Variants in RAD17 observed in about 807,000 individuals in gnomAD.
RAD17 encodes the protein cell cycle checkpoint protein RAD17.
RAD17 carries 31 observed loss-of-function variants against 81.5 expected under a neutral mutation model. The ratio of observed to expected loss-of-function variants is 0.38; its 90% CI spans 0.29 to 0.51. RAD17 has a LOEUF of 0.51. Ranked by LOEUF, RAD17 falls within the 20% of genes least tolerant of loss-of-function variation. The pLI is 0.88. For synonymous variants in RAD17, 261 were observed against 266.2 expected (o/e 0.98, Z 0.19); for missense variants, 681 against 781.2 (o/e 0.87, Z 1.53).
chr5:69,401,610 G>T (rs1038922216), intron 17 of RAD17, among the ~76,000 whole-genome samples: 1 of 152,044 alleles, frequency 6.6e-6, no homozygotes, highest in African/African-American at 2.4e-5. Context: ...GGCAAAAATG[G>T]GATAACTTTT....
At chr5:69,407,864 T>C (rs1179594196) in intron 17 of RAD17, among the ~76,000 whole-genome samples, 2 of 152,226 alleles carry the variant, frequency 1.3e-5, no homozygotes, top group Admixed American at 1.3e-4. Context: ...TGTCCAAGTT[T>C]GATGATACTT....
intron 17 of RAD17, among the ~76,000 whole-genome samples, chr5:69,404,399 A>C (rs557473377): frequency 0.017 from 2,584 of 152,356 alleles, 36 homozygotes; most frequent in Middle Eastern, 0.034. Flanking sequence ...AGAATGCAAT[A>C]GTAAGAAAAC....
chr5:69,373,236 A>G (rs1188337895), intron 4 of RAD17, among the ~76,000 whole-genome samples: 1 of 152,114 alleles, frequency 6.6e-6, no homozygotes, highest in African/African-American at 2.4e-5. Context: ...AATCCTACAG[A>G]GAGTTTAAAA....
chr5:69,399,300 G>A (rs535570727), intron 16 of RAD17, among the ~76,000 whole-genome samples: 28 of 152,180 alleles, frequency 1.8e-4, no homozygotes, highest in South Asian at 4.1e-4. Context: ...ATATTTCTGC[G>A]TAGCAACAAT....
chr5:69,395,783 C>G (rs1764846929), intron 15 of RAD17, among the ~76,000 whole-genome samples: 1 of 151,946 alleles, frequency 6.6e-6, no homozygotes. Flanking sequence ...TTCTTAATCT[C>G]TCTATATATT....
chr5:69,412,567 T>C (rs1766076665), intron 18 of RAD17, among the ~76,000 whole-genome samples: 1 of 152,212 alleles, frequency 6.6e-6, no homozygotes, highest in Non-Finnish European at 1.5e-5. Context: ...GGGCTTTTCC[T>C]CTTTATTGCC....
At chr5:69,374,420 AATT>A (rs1298377322) in intron 5 of RAD17, among the ~76,000 whole-genome samples, 2 of 152,210 alleles carry the variant, frequency 1.3e-5, no homozygotes, top group African/African-American at 4.8e-5. Context: ...AACTTGCCAA[AATT>A]ATCATACAGA....
At position 69,391,827 on chromosome 5, in the gene RAD17, T is replaced by G. The variant is rs779488709; in HGVS notation, c.1007-4T>G. The stretch of plus-strand genomic sequence containing the variant: ...ATATTGTCACTTGGATGTATATTAT[T>G]CAGGAGAAAACAACTTACGGCCAAG... On this transcript the variant is annotated splice_region_variant and splice_polypyrimidine_tract_variant and intron_variant, in intron 12 of 18. Transcript: ENST00000354868. 1 of 1,505,904 alleles carries G rather than the reference T, an allele frequency of 6.6e-7. No homozygotes were observed. The highest frequency in any genetic ancestry group is 8.9e-7 in the Non-Finnish European group (1 of 1,126,574). The allele number at this position is 1,505,904 out of a possible 1,614,324, so 93.3% of individuals were successfully genotyped here. A position where few individuals can be genotyped will look rare whatever the true frequency, so the allele number is the denominator to read the frequency against.
chr5:69,410,225 A>G (rs894958825), intron 17 of RAD17, among the ~76,000 whole-genome samples: 1 of 152,182 alleles, frequency 6.6e-6, no homozygotes, highest in Non-Finnish European at 1.5e-5. Context: ...TTGAGGATGC[A>G]CTATACTGTT....
In RAD17 at chr5:69,374,657, T is replaced by G; in HGVS notation, c.297T>G (p.Ile99Met). 6.2e-7 allele frequency: 1 copy of G among 1,611,124 alleles called. No homozygotes were observed. ...QHELAVHKKK[I>M]EEVETWLKAQ... The stretch of plus-strand genomic sequence containing the variant: ...AACTTGCTGTGCATAAAAAGAAAAT[T>G]GAAGAAGTCGAAACCTGGTTAAAAG... The change falls in exon 6 of 19, where the codon ATT (isoleucine) becomes ATG (methionine). Residue 99 changes from isoleucine (I) to methionine (M), a missense_variant. Physicochemically the swap from Ile to Met is conservative, Grantham distance 10. Coordinates refer to ENST00000354868, the MANE Select transcript of RAD17 (RefSeq NM_133338.3).
At position 69,408,506 on chromosome 5, in the gene RAD17, C is replaced by CTTTTTTTTTTT. The variant is rs913594965; in HGVS notation, c.1694-1973_1694-1963dup. On this transcript the variant is annotated intron_variant, in intron 17 of 18. Coordinates refer to ENST00000354868, the MANE Select transcript of RAD17 (RefSeq NM_133338.3). ...ATCACACTGTTGGCTACCCTAATTA[C>CTTTTTTTTTTT]TTTTTTTTTTTTTTTTTTTTTTTTG... is the stretch of plus-strand genomic sequence containing the variant. Among the ~76,000 whole-genome samples the CTTTTTTTTTTT allele has an allele frequency of 1.4e-4, 12 of 88,450 alleles. 1 individual carries two copies. Among genetic ancestry groups the CTTTTTTTTTTT allele is most frequent in the African/African-American group, 5.0e-4 (11 of 22,042 alleles). The allele number at this position is 88,450 out of a possible 152,430, so 58.0% of individuals were successfully genotyped here.
intron 16 of RAD17, among the ~76,000 whole-genome samples, 162 bp downstream of exon 16, chr5:69,396,708 T>C (rs929928138): frequency 1.3e-5 from 2 of 152,190 alleles, no homozygotes; most frequent in Non-Finnish European, 2.9e-5. Flanking sequence ...TGAGTTTTTA[T>C]AAAACATAAA....
intron 11 of RAD17, among the ~76,000 whole-genome samples, chr5:69,388,584 G>A (rs941333096): frequency 6.6e-6 from 1 of 152,056 alleles, no homozygotes; most frequent in Non-Finnish European, 1.5e-5. Context: ...CCAGTGTTTA[G>A]CATGAAGGCT....
Position 69,371,154 on chromosome 5 carries a change from TGA to T in RAD17, c.-296_-295del, listed in dbSNP as rs765712290. 1 of 495,906 alleles carries T rather than the reference TGA, an allele frequency of 2.0e-6. No homozygotes were observed. The highest frequency in any genetic ancestry group is 1.6e-5 in the South Asian group (1 of 63,914). 30.7% of individuals were successfully genotyped at this position (495,906 alleles called of 1,614,324 possible). On this transcript the variant is annotated 5_prime_UTR_variant, in exon 2 of 19. Transcript: ENST00000354868. Reference sequence around the variant, plus strand: ...TAAAAATTGCTCAAATAGAATTGCCTGATTTTAATGACAAAAGGTAAGTACAT... The same window carrying T: ...TAAAAATTGCTCAAATAGAATTGCCTTTTTAATGACAAAAGGTAAGTACAT...
chr5:69,369,671 C>G, upstream of RAD17: 1 of 1,556,962 alleles, frequency 6.4e-7, no homozygotes, highest in Admixed American at 1.9e-5. Flanking sequence ...CTTTCGATGA[C>G]ACATTTCCGT....
Position 69,393,216 on chromosome 5 carries a change from G to A in RAD17, c.1251G>A (p.Arg417=). 1 of 1,610,702 alleles carries A rather than the reference G, an allele frequency of 6.2e-7. No individual in the cohort carries two copies. The highest frequency in any genetic ancestry group is 1.1e-5 in the South Asian group (1 of 90,734). The part of the protein sequence containing the change: ...RLPSHLSEYE[R]DTLLVEPEEV... ...CCTCTCATTTATCAGAATATGAACG[G>A]GATACATTACTTGTTGAACCTGAGG... Residue 417 remains arginine, a synonymous_variant, in exon 14 of 19, where the codon CGG becomes CGA. Transcript: ENST00000354868.
At chr5:69,379,522 CT>C (rs1378785173) in intron 6 of RAD17, among the ~76,000 whole-genome samples, 1 of 152,156 alleles carries the variant, frequency 6.6e-6, no homozygotes, top group East Asian at 1.9e-4. Context: ...CTTTATGTAG[CT>C]TTTTTACTTT....
At chr5:69,374,943 T>C (rs910722839) in intron 6 of RAD17, among the ~76,000 whole-genome samples, 19 of 151,988 alleles carry the variant, frequency 1.3e-4, no homozygotes, top group African/African-American at 4.1e-4. Flanking sequence ...CTGGGCAACA[T>C]AGGGAGACTG....
chr5:69,386,577 A>T, intron 11 of RAD17, 112 bp downstream of exon 11: 3 of 1,215,262 alleles, frequency 2.5e-6, no homozygotes, highest in Non-Finnish European at 3.2e-6. Flanking sequence ...AAAACATTTT[A>T]TTATACTCAT....
Sources: allele counts gnomAD v4.1 joint callset (sites outside exome capture counted in the v4.1 genomes callset), GRCh38; gene constraint gnomAD v4.1.1; transcripts MANE v1.5; gene names NCBI Gene and HGNC (gene_info 2026-07-23, HGNC 2026-07-21).